The following ELP2 variants were observed in gnomAD, a reference collection of about 807,000 sequenced individuals.
The protein encoded by ELP2 is elongator acetyltransferase complex subunit 2.
Under a neutral mutation model 119.2 loss-of-function variants are expected in ELP2, and 90 were observed. That is an observed-to-expected ratio of 0.75 (90% CI 0.64 to 0.90). The LOEUF (loss-of-function observed/expected upper bound fraction) is 0.90, where lower values mean the gene tolerates loss of function less well. Among genes scored for constraint, ELP2 ranks in the 40% least tolerant of loss-of-function variants. The pLI is 0.00. For missense variants in ELP2, 921 were observed against 967.8 expected, an observed-to-expected ratio of 0.95 and a Z score of 0.64; for synonymous variants, 339 against 331.0, an observed-to-expected ratio of 1.02 and a Z score of -0.26.
chr18:36,134,069 G>A (rs1490410297), intron 2 of ELP2, among the ~76,000 whole-genome samples: 1 of 151,914 alleles, frequency 6.6e-6, no homozygotes, highest in Non-Finnish European at 1.5e-5. Flanking sequence ...ACCTCAAGCA[G>A]TCTTCCCTCT....
At chr18:36,158,551 A>ACTC (rs1197393612) in intron 13 of ELP2, 3 of 323,158 alleles carry the variant, frequency 9.3e-6, no homozygotes, top group African/African-American at 6.4e-5. Flanking sequence ...TTATGGTTCG[A>ACTC]TGAGGTCCCT....
At chr18:36,141,527 G>A in intron 6 of ELP2, 2 of 307,216 alleles carry the variant, frequency 6.5e-6, no homozygotes, top group South Asian at 6.8e-5. Flanking sequence ...TCCTAGTAGT[G>A]TTTATTTGCC....
chr18:36,170,642 T>A (rs1235769650), intron 20 of ELP2, among the ~76,000 whole-genome samples: 1 of 152,216 alleles, frequency 6.6e-6, no homozygotes, highest in Non-Finnish European at 1.5e-5. Flanking sequence ...AAAATGCTTA[T>A]GTTTCTCATA....
chr18:36,170,302 C>CT (rs927647218), intron 20 of ELP2, 106 bp downstream of exon 20: 43 of 1,263,558 alleles, frequency 3.4e-5, no homozygotes, highest in Non-Finnish European at 4.2e-5. Flanking sequence ...GAGTTACTGT[C>CT]TTTTTTTTCT....
At chr18:36,132,278 G>A (rs568157258) in intron 1 of ELP2, among the ~76,000 whole-genome samples, 1 of 152,244 alleles carries the variant, frequency 6.6e-6, no homozygotes, top group Admixed American at 6.5e-5. Flanking sequence ...AATCTTCGAC[G>A]ACCATCTGTG....
intron 19 of ELP2, among the ~76,000 whole-genome samples, chr18:36,168,640 C>G (rs1330689516): frequency 6.6e-6 from 1 of 152,148 alleles, no homozygotes; most frequent in African/African-American, 2.4e-5. Context: ...CCTATTACCT[C>G]CTACTGTGTC....
At chr18:36,142,460 C>T in intron 7 of ELP2, 113 bp downstream of exon 7, 1 of 893,068 alleles carries the variant, frequency 1.1e-6, no homozygotes, top group Admixed American at 1.8e-5. Flanking sequence ...TTATGTTTTT[C>T]TATTGTCCCA....
At chr18:36,138,770 C>G (rs1028038572) in intron 4 of ELP2, 25 bp from the exon 5 acceptor site, 1 of 1,583,290 alleles carries the variant, frequency 6.3e-7, no homozygotes, top group African/African-American at 1.3e-5. Context: ...GTTAGTTGTT[C>G]ATTGTGTTTT....
chr18:36,178,503 A>G lies in ELP2; in HGVS notation c.*3862A>G, dbSNP rs1270962215. Reference sequence around the variant, plus strand: ...CCTTGTTTGCCTCTTGATCTGAACTAGCCAATCAATCTTGTAAAAATGTGC... The same window carrying G: ...CCTTGTTTGCCTCTTGATCTGAACTGGCCAATCAATCTTGTAAAAATGTGC... On this transcript the variant is annotated 3_prime_UTR_variant, in exon 22 of 22. Coordinates refer to ENST00000358232, the MANE Select transcript of ELP2 (RefSeq NM_018255.4). The G allele has an allele frequency of 2.6e-5, 4 of 152,358 alleles. No homozygotes were observed. Among genetic ancestry groups the G allele is most frequent in the Middle Eastern group, 3.4e-3 (1 of 294 alleles). The allele number at this position is 152,358 out of a possible 1,614,324, so 9.4% of individuals were successfully genotyped here. A position where few individuals can be genotyped will look rare whatever the true frequency, so the allele number is the denominator to read the frequency against.
At chr18:36,159,551 C>T (rs1453678448) in intron 14 of ELP2, among the ~76,000 whole-genome samples, 184 bp from the exon 15 acceptor site, 1 of 152,120 alleles carries the variant, frequency 6.6e-6, no homozygotes, top group African/African-American at 2.4e-5. Flanking sequence ...TTAATGCTGC[C>T]AGGAGCATGT....
intron 11 of ELP2, 105 bp from the exon 12 acceptor site, chr18:36,154,745 A>T (rs754009151): frequency 1.6e-6 from 2 of 1,272,646 alleles, no homozygotes; most frequent in Non-Finnish European, 2.3e-6. Flanking sequence ...TTAGCTTTTC[A>T]CCTTGCCAGA....
intron 11 of ELP2, among the ~76,000 whole-genome samples, chr18:36,149,493 T>TTTTG (rs1555640014): frequency 4.1e-5 from 6 of 147,134 alleles, no homozygotes; most frequent in Non-Finnish European, 9.0e-5. Flanking sequence ...GTTTTGTTTT[T>TTTTG]TTTTTTTTTG....
chr18:36,139,532 T>C (rs1333182771), intron 5 of ELP2: 6 of 1,535,718 alleles, frequency 3.9e-6, no homozygotes, highest in Non-Finnish European at 5.2e-6. Flanking sequence ...TTCCATTCTG[T>C]GCAAGGCTCT....
chr18:36,136,215 A>AC, intron 2 of ELP2, 92 bp from the exon 3 acceptor site: 1 of 884,106 alleles, frequency 1.1e-6, no homozygotes, highest in Non-Finnish European at 1.9e-6. Context: ...GGTAGAGGGT[A>AC]CAGGGGTATT....
chr18:36,145,409 G>A (rs577251712), intron 9 of ELP2: 4 of 310,632 alleles, frequency 1.3e-5, no homozygotes, highest in South Asian at 1.2e-4. Flanking sequence ...TTATTTATGA[G>A]AAAGTAAGAC....
intron 2 of ELP2, 122 bp from the exon 3 acceptor site, chr18:36,136,185 G>A (rs1377126365): frequency 8.3e-6 from 6 of 726,936 alleles, no homozygotes; most frequent in African/African-American, 7.1e-5. Flanking sequence ...ATGGCAAAAT[G>A]TTACCAGTTT....
At chr18:36,147,249 A>AT (rs1265944645) in intron 11 of ELP2, among the ~76,000 whole-genome samples, 2 of 151,334 alleles carry the variant, frequency 1.3e-5, no homozygotes, top group African/African-American at 2.4e-5. Context: ...AATATCTAAA[A>AT]TTTTTTTTAT....
chr18:36,168,229 A>G (rs2090964495), intron 19 of ELP2, among the ~76,000 whole-genome samples: 1 of 152,156 alleles, frequency 6.6e-6, no homozygotes, highest in South Asian at 2.1e-4. Context: ...GTCAACCTCT[A>G]TGGCAGACTT....
rs1299354534 is a variant in ELP2 at position 36,178,706 on chromosome 18, C to T, written c.*4065C>T. On this transcript the variant is annotated 3_prime_UTR_variant, in exon 22 of 22. Transcript: ENST00000358232. Reference sequence around the variant, plus strand: ...TGAACTCCTGGGCTCAAGCAGTTCTCCCACCTCAGCCTTGGTTTAAGAAAA... The same window carrying T: ...TGAACTCCTGGGCTCAAGCAGTTCTTCCACCTCAGCCTTGGTTTAAGAAAA... 6.7e-6 allele frequency: 1 copy of T among 149,028 alleles called. No homozygotes were observed. Among genetic ancestry groups the T allele is most frequent in the Admixed American group, 6.7e-5 (1 of 15,000 alleles). The allele number at this position is 149,028 out of a possible 1,614,324, so 9.2% of individuals were successfully genotyped here.
Sources: allele counts gnomAD v4.1 joint callset (sites outside exome capture counted in the v4.1 genomes callset), GRCh38; gene constraint gnomAD v4.1.1; transcripts MANE v1.5; gene names NCBI Gene and HGNC (gene_info 2026-07-23, HGNC 2026-07-21).